Variants in TRPC3 observed in about 807,000 individuals in gnomAD.
The protein encoded by TRPC3 is transient receptor potential cation channel subfamily C member 3.
A neutral mutation model predicts 90.9 loss-of-function variants in TRPC3; 54 were observed. That is an observed-to-expected ratio of 0.59 (90% confidence interval 0.48 to 0.75). The LOEUF (loss-of-function observed/expected upper bound fraction) is 0.75. TRPC3 is among the 30% of genes least tolerant of loss of function. The pLI is 0.00. For synonymous variants in TRPC3, 424 were observed against 450.9 expected, an observed-to-expected ratio of 0.94 and a Z score of 0.75; for missense variants, 918 against 1,194.5, an observed-to-expected ratio of 0.77 and a Z score of 3.41.
chr4:121,932,338 G>A lies in TRPC3; in HGVS notation c.920C>T (p.Pro307Leu), dbSNP rs756858799. ...GCTGAGCTCTAGGGCCGTAAGCACC[G>A]GGTCCTCGCTGGACAATGAGAGGTA... is the stretch of plus-strand genomic sequence containing the variant. ...PAYLSLSSED[P>L]VLTALELSNE... The change falls in exon 2 of 12, where the codon CCG becomes CTG. Residue 307 changes from proline (P) to leucine (L), a missense_variant. Pro to Leu is a moderately conservative substitution (Grantham distance 98). Transcript: ENST00000379645. This position sits in a 1 kb window ranked among gnomAD's most constrained non-coding sequence, Gnocchi z 7.7. 2.5e-6 allele frequency: 4 copies of A among 1,614,102 alleles called. No homozygotes were observed. Among genetic ancestry groups the A allele is most frequent in the South Asian group, 1.1e-5 (1 of 91,066 alleles).
Position 121,879,627 on chromosome 4 carries a change from A to C in TRPC3, c.*109T>G, listed in dbSNP as rs1434579761. The stretch of plus-strand genomic sequence containing the variant: ...CTAACTTTTAAAGGTTCACATGATA[A>C]AGGTAGTTAATACTAAAAATTTACA... On this transcript the variant is annotated 3_prime_UTR_variant, in exon 12 of 12. Transcript: ENST00000379645. The C allele has an allele frequency of 8.5e-7, 1 of 1,182,826 alleles. No homozygotes were observed. Among genetic ancestry groups the C allele is most frequent in the Non-Finnish European group, 1.2e-6 (1 of 845,006 alleles). 73.3% of individuals were successfully genotyped at this position (1,182,826 alleles called of 1,614,324 possible).
In TRPC3 at chr4:121,902,029, C is replaced by T. The variant is rs930400617; in HGVS notation, c.2463+823G>A. On this transcript the variant is annotated intron_variant, in intron 9 of 11. Transcript: ENST00000379645. Reference sequence around the variant, plus strand: ...TAAATTGCACTAATCTTAACTTTTTCGCCTAGTTTCAACGAGAAAAAATAT... The same window carrying T: ...TAAATTGCACTAATCTTAACTTTTTTGCCTAGTTTCAACGAGAAAAAATAT... Among the ~76,000 whole-genome samples, 5 of 152,050 alleles carry T rather than the reference C, an allele frequency of 3.3e-5. No individual in the cohort carries two copies. The South Asian group carries it at 6.2e-4, about 19-fold the overall frequency.
intron 1 of TRPC3, among the ~76,000 whole-genome samples, chr4:121,947,049 A>G (rs1374849095): frequency 2.0e-5 from 3 of 151,624 alleles, no homozygotes; most frequent in East Asian, 1.9e-4. Flanking sequence ...CAGTTATGGT[A>G]GTGTGTGCCT....
At chr4:121,883,774 T>C (rs1266526997) in intron 10 of TRPC3, among the ~76,000 whole-genome samples, 3 of 152,180 alleles carry the variant, frequency 2.0e-5, no homozygotes, top group Admixed American at 6.6e-5. Context: ...TCTCACTATA[T>C]TGCACAGGCT....
chr4:121,945,505 C>T (rs542466399), intron 1 of TRPC3, among the ~76,000 whole-genome samples: 1 of 152,258 alleles, frequency 6.6e-6, no homozygotes, highest in Non-Finnish European at 1.5e-5. Context: ...GAAGTTCCAA[C>T]TACAGTGGCT....
intron 10 of TRPC3, among the ~76,000 whole-genome samples, chr4:121,883,478 C>T (rs1328369434): frequency 6.6e-6 from 1 of 151,978 alleles, no homozygotes; most frequent in Non-Finnish European, 1.5e-5. Flanking sequence ...GGGCAAAAGA[C>T]AAACAAATGT....
intron 6 of TRPC3, among the ~76,000 whole-genome samples, chr4:121,908,413 A>C (rs568442172): frequency 1.2e-4 from 19 of 152,292 alleles, no homozygotes; most frequent in Non-Finnish European, 2.8e-4. Context: ...TTTTACCAAA[A>C]GACACATGCA....
intron 1 of TRPC3, among the ~76,000 whole-genome samples, chr4:121,949,579 A>C (rs1730613050): frequency 6.6e-6 from 1 of 152,208 alleles, no homozygotes; most frequent in Non-Finnish European, 1.5e-5. Context: ...TAAACAGCTA[A>C]TCTCTGTTAC....
intron 10 of TRPC3, among the ~76,000 whole-genome samples, chr4:121,897,409 G>A (rs573594796): frequency 1.1e-4 from 13 of 120,172 alleles, no homozygotes; most frequent in African/African-American, 3.8e-4. Context: ...ATCCAATAGG[G>A]GATTAATATC....
At position 121,951,472 on chromosome 4, in the gene TRPC3, G is replaced by C; in HGVS notation, c.209C>G (p.Pro70Arg). The change falls in exon 1 of 12, where the codon CCG becomes CGG. Residue 70 changes from proline (P) to arginine (R), a missense_variant. By Grantham distance (103) the Pro-to-Arg change is moderately radical. This residue lies in a region of TRPC3 where 609 missense variants were observed against 725.9 expected (regional missense o/e 0.84). Transcript: ENST00000379645. The surrounding 1 kb of genome is among the most constrained non-coding windows in gnomAD (Gnocchi z 4.4). ...GYCPPPFSHG[P>R]DLSMEGSPSL... ...GGCCGGGCCCGGTACTCACAGGTCCGGCCCGTGGGAGAAGGGCGGCGGGCA... is the reference window on the plus strand; with the variant it reads ...GGCCGGGCCCGGTACTCACAGGTCCCGCCCGTGGGAGAAGGGCGGCGGGCA... 7.7e-7 allele frequency: 1 copy of C among 1,306,132 alleles called. No homozygotes were observed. The highest frequency in any genetic ancestry group is 9.7e-7 in the Non-Finnish European group (1 of 1,028,856). 80.9% of individuals were successfully genotyped at this position (1,306,132 alleles called of 1,614,324 possible). A position where few individuals can be genotyped will look rare whatever the true frequency, so the allele number is the denominator to read the frequency against.
chr4:121,923,081 G>A (rs1475910336), intron 3 of TRPC3, among the ~76,000 whole-genome samples: 2 of 147,450 alleles, frequency 1.4e-5, no homozygotes, highest in Admixed American at 6.9e-5. Flanking sequence ...AGGGGAGAGA[G>A]AAAGAGGAGA....
At chr4:121,901,822 C>T (rs1274380894) in intron 9 of TRPC3, among the ~76,000 whole-genome samples, 1 of 152,184 alleles carries the variant, frequency 6.6e-6, no homozygotes, top group African/African-American at 2.4e-5. Context: ...TTGTCTTATA[C>T]TGCTTCTCAC....
At chr4:121,911,277 A>C (rs1729078051) in intron 5 of TRPC3, among the ~76,000 whole-genome samples, 1 of 152,182 alleles carries the variant, frequency 6.6e-6, no homozygotes, top group Non-Finnish European at 1.5e-5. Flanking sequence ...CCTGGTTCCA[A>C]TCTCCATTTC....
intron 3 of TRPC3, among the ~76,000 whole-genome samples, chr4:121,916,976 A>G (rs780173559): frequency 3.4e-4 from 52 of 152,092 alleles, no homozygotes; most frequent in Non-Finnish European, 6.3e-4. Context: ...CAGCCTCTGA[A>G]AGTGCTGGGA....
intron 3 of TRPC3, among the ~76,000 whole-genome samples, chr4:121,921,350 G>A (rs1258571198): frequency 1.3e-5 from 2 of 151,378 alleles, no homozygotes; most frequent in Non-Finnish European, 2.9e-5. Context: ...GTGAAACCCC[G>A]TCTCTACTAA....
At chr4:121,939,675 C>T (rs956900867) in intron 1 of TRPC3, among the ~76,000 whole-genome samples, 1 of 152,212 alleles carries the variant, frequency 6.6e-6, no homozygotes, top group Non-Finnish European at 1.5e-5. Context: ...AGGCTTGGGA[C>T]AGATTGCTGG....
intron 1 of TRPC3, among the ~76,000 whole-genome samples, chr4:121,937,169 T>C (rs1024147568): frequency 6.6e-6 from 1 of 152,198 alleles, no homozygotes; most frequent in African/African-American, 2.4e-5. Flanking sequence ...TTGGACTGCT[T>C]GTTGAAATCA....
Position 121,879,694 on chromosome 4 carries a change from C to T in TRPC3, c.*42G>A. On this transcript the variant is annotated 3_prime_UTR_variant, in exon 12 of 12. Coordinates refer to ENST00000379645, the MANE Select transcript of TRPC3 (RefSeq NM_001130698.2). ...ATTTCATACTTAGAAATATTATTGC[C>T]CACATTTGTGCTATAGTCAAAGCCA... is the stretch of plus-strand genomic sequence containing the variant. 1 of 1,562,364 alleles carries T rather than the reference C, an allele frequency of 6.4e-7. No individual in the cohort carries two copies. Among genetic ancestry groups the T allele is most frequent in the East Asian group, 2.4e-5 (1 of 41,402 alleles).
intron 3 of TRPC3, among the ~76,000 whole-genome samples, chr4:121,921,227 A>C (rs946043459): frequency 1.3e-5 from 2 of 152,156 alleles, no homozygotes; most frequent in Non-Finnish European, 2.9e-5. Flanking sequence ...CAGAGGGTAG[A>C]AAAAAGACTT....
Sources: allele counts gnomAD v4.1 joint callset (sites outside exome capture counted in the v4.1 genomes callset), GRCh38; gene constraint gnomAD v4.1.1; regional missense constraint gnomAD v4.1.1; non-coding constraint Gnocchi (gnomAD v3.1); transcripts MANE v1.5; gene names NCBI Gene and HGNC (gene_info 2026-07-23, HGNC 2026-07-21).